CCDC178: variants seen among roughly 807,000 people sequenced by gnomAD.
CCDC178 encodes the protein coiled-coil domain containing 178.
CCDC178 carries 126 observed loss-of-function variants against 117.4 expected under a neutral mutation model. That is an observed-to-expected ratio of 1.07 (90% confidence interval 0.93 to 1.24). The LOEUF (loss-of-function observed/expected upper bound fraction) is 1.24, where lower values mean the gene tolerates loss of function less well. Ranked by LOEUF, CCDC178 falls within the 50% of genes most tolerant of loss-of-function variation. The probability of loss-of-function intolerance (pLI) is 0.00; values close to 1 mark genes in which losing one functional copy is unlikely to be tolerated. For synonymous variants in CCDC178, 283 were observed against 313.4 expected (o/e 0.90, Z 1.02); for missense variants, 1,030 against 986.9 (o/e 1.04, Z -0.59).
chr18:33,397,212 T>C lies in CCDC178; in HGVS notation c.59-4A>G, dbSNP rs1247223972. On this transcript the variant is annotated splice_polypyrimidine_tract_variant and splice_region_variant and intron_variant, in intron 3 of 22. Transcript: ENST00000383096. ...TTTACTTCCTGACATGTTAAACCTA[T>C]AAAAGGTAAAATAAAACAAAATAAA... The C allele has an allele frequency of 2.5e-6, 4 of 1,594,874 alleles. No individual in the cohort carries two copies. Among genetic ancestry groups the C allele is most frequent in the East Asian group, 2.2e-5 (1 of 44,602 alleles).
At chr18:33,122,009 G>A (rs1038225746) in intron 20 of CCDC178, among the ~76,000 whole-genome samples, 3 of 152,118 alleles carry the variant, frequency 2.0e-5, no homozygotes, top group African/African-American at 7.2e-5. Context: ...TACACTAGGT[G>A]TGTACTAGGC....
intron 22 of CCDC178, among the ~76,000 whole-genome samples, chr18:32,958,959 T>C (rs749529232): frequency 1.3e-5 from 2 of 152,156 alleles, no homozygotes; most frequent in Non-Finnish European, 2.9e-5. Flanking sequence ...TATGAGTCTC[T>C]GGACCCGTAA....
chr18:33,115,683 G>A (rs271563), intron 20 of CCDC178, among the ~76,000 whole-genome samples: 14,470 of 151,886 alleles, frequency 0.095, 892 homozygotes, highest in African/African-American at 0.17. Flanking sequence ...GCCCTGCTAC[G>A]TTAGCATTCC....
intron 3 of CCDC178, among the ~76,000 whole-genome samples, chr18:33,411,495 T>C (rs913491013): frequency 6.6e-5 from 10 of 152,126 alleles, no homozygotes. Flanking sequence ...TGCAAAGATA[T>C]GACATTGCTA....
At chr18:33,101,761 G>A (rs930143778) in intron 20 of CCDC178, among the ~76,000 whole-genome samples, 13 of 151,840 alleles carry the variant, frequency 8.6e-5, no homozygotes, top group Non-Finnish European at 1.9e-4. Flanking sequence ...TTACAAATGA[G>A]AGAAAAACTG....
intron 21 of CCDC178, among the ~76,000 whole-genome samples, chr18:33,000,833 T>A (rs2055615743): frequency 6.6e-6 from 1 of 152,118 alleles, no homozygotes; most frequent in Non-Finnish European, 1.5e-5. Context: ...AGTACTTCAA[T>A]CTGAAAGGAA....
At chr18:32,960,924 TATA>T (rs2054691854) in intron 22 of CCDC178, among the ~76,000 whole-genome samples, 1 of 152,210 alleles carries the variant, frequency 6.6e-6, no homozygotes, top group Admixed American at 6.5e-5. Context: ...ATTATTCATT[TATA>T]ATAATTCCAT....
At chr18:33,063,924 C>A (rs745879993) in intron 21 of CCDC178, among the ~76,000 whole-genome samples, 6 of 152,176 alleles carry the variant, frequency 3.9e-5, no homozygotes, top group African/African-American at 9.7e-5. Flanking sequence ...ACAACTAATG[C>A]TGATTACAGC....
intron 12 of CCDC178, among the ~76,000 whole-genome samples, chr18:33,289,994 T>A (rs1311971476): frequency 6.6e-6 from 1 of 152,102 alleles, no homozygotes; most frequent in Non-Finnish European, 1.5e-5. Flanking sequence ...CTCTAATAAT[T>A]CTAAACTTAT....
chr18:33,376,050 A>T (rs1415135168), intron 5 of CCDC178, among the ~76,000 whole-genome samples: 1 of 152,180 alleles, frequency 6.6e-6, no homozygotes, highest in African/African-American at 2.4e-5. Context: ...GCGCAGCTTG[A>T]CTTATGGACT....
intron 14 of CCDC178, among the ~76,000 whole-genome samples, chr18:33,264,190 C>T (rs72951049): frequency 0.035 from 5,392 of 151,966 alleles, 122 homozygotes; most frequent in East Asian, 0.12. Context: ...ATACTTGCTG[C>T]CTACATATAG....
intron 20 of CCDC178, among the ~76,000 whole-genome samples, chr18:33,102,654 A>T (rs928954316): frequency 2.0e-5 from 3 of 151,750 alleles, no homozygotes; most frequent in African/African-American, 7.3e-5. Context: ...TGTTGTTCAC[A>T]TTAGAGCACT....
At chr18:33,052,694 A>C (rs575478868) in intron 21 of CCDC178, among the ~76,000 whole-genome samples, 1 of 152,306 alleles carries the variant, frequency 6.6e-6, no homozygotes, top group South Asian at 2.1e-4. Flanking sequence ...ATTATTATTT[A>C]AGGTTAGCCT....
intron 22 of CCDC178, among the ~76,000 whole-genome samples, chr18:32,963,364 T>TTTTTTTTTTTTTTTTTTTTTTTTTTG (rs2054745882): frequency 6.6e-6 from 1 of 151,970 alleles, no homozygotes; most frequent in Non-Finnish European, 1.5e-5. Flanking sequence ...GTCCCACTCT[T>TTTTTTTTTTTTTTTTTTTTTTTTTTG]ACAAAGGCAT....
At chr18:33,085,062 A>G (rs1207144323) in intron 21 of CCDC178, among the ~76,000 whole-genome samples, 2 of 152,114 alleles carry the variant, frequency 1.3e-5, no homozygotes, top group Admixed American at 6.6e-5. Flanking sequence ...CTCTCTACCC[A>G]TAATTCATCC....
At chr18:33,152,129 G>C (rs2058348315) in intron 20 of CCDC178, among the ~76,000 whole-genome samples, 1 of 152,010 alleles carries the variant, frequency 6.6e-6, no homozygotes, top group Non-Finnish European at 1.5e-5. Context: ...AAGGAGGAAA[G>C]GAGTGAAGAG....
chr18:32,946,244 CAGTT>C (rs1050727790), intron 22 of CCDC178, among the ~76,000 whole-genome samples: 4 of 152,096 alleles, frequency 2.6e-5, no homozygotes, highest in Non-Finnish European at 4.4e-5. Flanking sequence ...GGTTGACTCT[CAGTT>C]AGGTAAAATC....
intron 20 of CCDC178, among the ~76,000 whole-genome samples, chr18:33,166,827 A>G (rs1311950374): frequency 6.6e-6 from 1 of 152,146 alleles, no homozygotes; most frequent in African/African-American, 2.4e-5. Flanking sequence ...GGTTTGTTAT[A>G]TAGGTAAATT....
intron 22 of CCDC178, chr18:32,958,328 G>T: frequency 5.5e-6 from 2 of 366,822 alleles, no homozygotes; most frequent in South Asian, 5.4e-5. Flanking sequence ...ATTCACACTA[G>T]GTTTCTGATT....
Sources: gnomAD v4.1 joint callset for allele counts (sites outside exome capture counted in the v4.1 genomes callset) on GRCh38, gnomAD v4.1.1 for gene constraint, MANE v1.5 for transcripts, NCBI Gene and HGNC (gene_info 2026-07-23, HGNC 2026-07-21) for gene names.